The following TLE4 variants were observed in gnomAD, a reference collection of about 807,000 sequenced individuals.
The protein encoded by TLE4 is transducin-like enhancer protein 4.
In TLE4, 8 loss-of-function variants were observed where a neutral mutation model predicts 92.8. The observed-to-expected ratio is 0.09, with a 90% confidence interval of 0.05 to 0.16. The LOEUF (loss-of-function observed/expected upper bound fraction) is 0.16. Among genes scored for constraint, TLE4 ranks in the 10% least tolerant of loss-of-function variants. The pLI is 1.00. For missense variants in TLE4, 675 were observed against 997.6 expected, an observed-to-expected ratio of 0.68 and a Z score of 4.36; for synonymous variants, 371 against 374.1, an observed-to-expected ratio of 0.99 and a Z score of 0.10.
chr9:79,627,194 G>A (rs1351579989), intron 5 of TLE4, among the ~76,000 whole-genome samples, 180 bp from the exon 6 acceptor site: 1 of 152,142 alleles, frequency 6.6e-6, no homozygotes, highest in Admixed American at 6.5e-5. Context: ...CCTCAACTTT[G>A]TGGACCCAGA....
chr9:79,619,998 A>C (rs1249415890), intron 5 of TLE4, among the ~76,000 whole-genome samples: 1 of 152,222 alleles, frequency 6.6e-6, no homozygotes, highest in Non-Finnish European at 1.5e-5. Flanking sequence ...ATCTGGTGGC[A>C]TCATGGCCTG....
At chr9:79,720,792 T>G (rs1446293027) in intron 16 of TLE4, among the ~76,000 whole-genome samples, 1 of 152,126 alleles carries the variant, frequency 6.6e-6, no homozygotes, top group Non-Finnish European at 1.5e-5. Flanking sequence ...CAGCAGATAT[T>G]TAGCAACTCC....
intron 8 of TLE4, among the ~76,000 whole-genome samples, chr9:79,693,089 A>C (rs1414718396): frequency 6.6e-6 from 1 of 152,174 alleles, no homozygotes; most frequent in East Asian, 1.9e-4. Context: ...AGTGCTGGCT[A>C]TAAAGCTGGT....
intron 6 of TLE4, among the ~76,000 whole-genome samples, chr9:79,636,162 G>A (rs2055752330): frequency 6.6e-6 from 1 of 152,098 alleles, no homozygotes; most frequent in Admixed American, 6.5e-5. Flanking sequence ...TAAAGCCACA[G>A]TGAGTGTGGT....
chr9:79,668,192 A>G lies in TLE4; in HGVS notation c.609+14117A>G, dbSNP rs1022204807. Among the ~76,000 whole-genome samples, 4 of 152,200 alleles carry G rather than the reference A, an allele frequency of 2.6e-5. No individual in the cohort carries two copies. The East Asian group carries it at 7.7e-4, about 29-fold the overall frequency. ...GTTGTTAATGAAAGCAGCCCAGACG[A>G]GCTGTGAGCAGCTGGGCTGGATAAT... On this transcript the variant is annotated intron_variant, in intron 8 of 19. Transcript: ENST00000376552.
intron 8 of TLE4, among the ~76,000 whole-genome samples, chr9:79,657,897 G>A (rs1307462406): frequency 2.0e-5 from 3 of 152,170 alleles, no homozygotes; most frequent in African/African-American, 4.8e-5. Context: ...TACTTTGTAA[G>A]TCCTTTTCAT....
At chr9:79,638,632 ACTATGGT>A (rs1564561760) in intron 6 of TLE4, among the ~76,000 whole-genome samples, 1 of 151,942 alleles carries the variant, frequency 6.6e-6, no homozygotes, top group Non-Finnish European at 1.5e-5. Context: ...GGGCAGTGCC[ACTATGGT>A]CCCGAAGCAA....
intron 14 of TLE4, among the ~76,000 whole-genome samples, chr9:79,713,562 G>A (rs542109265): frequency 1.3e-5 from 2 of 152,246 alleles, no homozygotes; most frequent in Non-Finnish European, 1.5e-5. Flanking sequence ...GGGCATCTTA[G>A]CTAGGGATCT....
intron 5 of TLE4, among the ~76,000 whole-genome samples, chr9:79,617,417 C>T (rs1756260443): frequency 6.6e-6 from 1 of 152,070 alleles, no homozygotes; most frequent in Non-Finnish European, 1.5e-5. Flanking sequence ...CACAGTGATC[C>T]ACAAGGTGTT....
At chr9:79,702,639 C>G (rs1415386267) in intron 8 of TLE4, among the ~76,000 whole-genome samples, 1 of 152,156 alleles carries the variant, frequency 6.6e-6, no homozygotes, top group East Asian at 1.9e-4. Flanking sequence ...TCTTTTCTGC[C>G]ACTAAGTTTA....
intron 4 of TLE4, among the ~76,000 whole-genome samples, chr9:79,582,374 T>G (rs977852014): frequency 6.6e-6 from 1 of 152,206 alleles, no homozygotes; most frequent in African/African-American, 2.4e-5. Flanking sequence ...TGTATCTAGG[T>G]ATATATCACT....
At chr9:79,654,510 T>TA (rs1335148395) in intron 8 of TLE4, among the ~76,000 whole-genome samples, 1 of 151,142 alleles carries the variant, frequency 6.6e-6, no homozygotes, top group Non-Finnish European at 1.5e-5. Flanking sequence ...TTTTTTTTTT[T>TA]ACCACTAGAA....
At chr9:79,706,323 T>C (rs2071553856) in intron 10 of TLE4, among the ~76,000 whole-genome samples, 1 of 152,108 alleles carries the variant, frequency 6.6e-6, no homozygotes, top group Non-Finnish European at 1.5e-5. Flanking sequence ...AACATATTCT[T>C]GATTTCTAAA....
At chr9:79,671,915 G>T (rs2062418440) in intron 8 of TLE4, among the ~76,000 whole-genome samples, 1 of 124,540 alleles carries the variant, frequency 8.0e-6, no homozygotes, top group African/African-American at 3.2e-5. Flanking sequence ...ATTAGCCTCA[G>T]TTTCTCCGTT....
At chr9:79,684,439 A>G (rs2065359628) in intron 8 of TLE4, among the ~76,000 whole-genome samples, 1 of 151,282 alleles carries the variant, frequency 6.6e-6, no homozygotes, top group Admixed American at 6.6e-5. Context: ...TTAGATTCTC[A>G]TAGGCATGCA....
intron 8 of TLE4, chr9:79,671,338 G>A: frequency 2.2e-6 from 1 of 448,484 alleles, no homozygotes; most frequent in Non-Finnish European, 4.5e-6. Context: ...TGCTTCTACT[G>A]GTAGGAAAAG....
At chr9:79,698,481 T>G (rs1353167631) in intron 8 of TLE4, among the ~76,000 whole-genome samples, 1 of 152,210 alleles carries the variant, frequency 6.6e-6, no homozygotes, top group Non-Finnish European at 1.5e-5. Flanking sequence ...GAGATTATAT[T>G]AAATCTTCTT....
At chr9:79,595,557 T>C (rs1409896368) in intron 4 of TLE4, among the ~76,000 whole-genome samples, 2 of 152,202 alleles carry the variant, frequency 1.3e-5, no homozygotes, top group Non-Finnish European at 2.9e-5. Flanking sequence ...CAGGTTATTT[T>C]ATAATTTAAG....
At chr9:79,671,070 C>A (rs936089131) in intron 8 of TLE4, 3 of 256,898 alleles carry the variant, frequency 1.2e-5, no homozygotes, top group South Asian at 3.8e-5. Flanking sequence ...AAAAAAAAAT[C>A]TACAAAATGG....
Sources: allele counts gnomAD v4.1 joint callset (sites outside exome capture counted in the v4.1 genomes callset), GRCh38; gene constraint gnomAD v4.1.1; transcripts MANE v1.5; gene names NCBI Gene and HGNC (gene_info 2026-07-23, HGNC 2026-07-21).